Variants in RUNX1T1 observed in about 807,000 individuals in gnomAD.
The protein encoded by RUNX1T1 is protein CBFA2T1.
In RUNX1T1, 4 loss-of-function variants were observed where a neutral mutation model predicts 62.8. That is an observed-to-expected ratio of 0.06 (90% CI 0.03 to 0.15). The LOEUF is 0.15. Ranked by LOEUF, RUNX1T1 falls within the 10% of genes least tolerant of loss-of-function variation. RUNX1T1 has a pLI of 1.00. For synonymous variants in RUNX1T1, 291 were observed against 286.0 expected (o/e 1.02, Z -0.18); for missense variants, 508 against 754.3 (o/e 0.67, Z 3.82).
Position 91,997,887 on chromosome 8 carries a change from A to G in RUNX1T1, c.660-5998T>C, listed in dbSNP as rs1216753611. On this transcript the variant is annotated intron_variant, in intron 5 of 10. Coordinates refer to ENST00000396218, the Ensembl canonical transcript of RUNX1T1. ...AAAATTCTTTTAAGACCAGGCATTG[A>G]AGACTTACTTTATTTTATTCTTATA... Among the ~76,000 whole-genome samples, 3 of 152,312 alleles carry G rather than the reference A, an allele frequency of 2.0e-5. No homozygotes were observed. The East Asian group carries it at 5.8e-4, about 29-fold the overall frequency.
chr8:91,964,077 G>A (rs1468441887), intron 10 of RUNX1T1, among the ~76,000 whole-genome samples: 1 of 152,140 alleles, frequency 6.6e-6, no homozygotes, highest in Non-Finnish European at 1.5e-5. Context: ...AAGAATTTGT[G>A]GCTGAACACG....
At chr8:91,988,901 TC>T (rs1474145788) in intron 6 of RUNX1T1, among the ~76,000 whole-genome samples, 1 of 152,162 alleles carries the variant, frequency 6.6e-6, no homozygotes, top group Non-Finnish European at 1.5e-5. Flanking sequence ...TATAATCAAA[TC>T]TTTAAAAATA....
rs1349579009 is a variant in RUNX1T1, at chr8:91,960,248, A to AG, written c.1727dup (p.Arg577SerfsTer37). On this transcript the variant is annotated frameshift_variant, in exon 11 of 11. Coordinates refer to ENST00000396218, the Ensembl canonical transcript of RUNX1T1. LOFTEE classifies it high-confidence loss of function. ...GACAGTTCTGAGTTCACGTCTAGCGAGGGGTTGTCTCTATGGTGGAAGGGG... is the reference window on the plus strand; with the variant it reads ...GACAGTTCTGAGTTCACGTCTAGCGAGGGGGTTGTCTCTATGGTGGAAGGGG... The AG allele has an allele frequency of 6.2e-7, 1 of 1,608,322 alleles. No homozygotes were observed. The highest frequency in any genetic ancestry group is 8.5e-7 in the Non-Finnish European group (1 of 1,177,512).
chr8:92,044,384 T>C (rs1306881434), intron 1 of RUNX1T1, among the ~76,000 whole-genome samples: 1 of 152,118 alleles, frequency 6.6e-6, no homozygotes. Flanking sequence ...CACAGAAAGG[T>C]AGGTGTGAAA....
At chr8:91,992,345 T>C (rs1383705157) in intron 5 of RUNX1T1, among the ~76,000 whole-genome samples, 1 of 152,182 alleles carries the variant, frequency 6.6e-6, no homozygotes, top group Non-Finnish European at 1.5e-5. Flanking sequence ...TGTCAGAGAA[T>C]ATCTAAGAAC....
In RUNX1T1 at chr8:91,959,446, G is replaced by GTATATA. The variant is rs1305274712; in HGVS notation, c.*795_*796insTATATA. The GTATATA allele has an allele frequency of 6.8e-4, 93 of 137,264 alleles. 1 individual carries two copies. The highest frequency in any genetic ancestry group is 2.4e-3 in the Middle Eastern group (1 of 410). 8.5% of individuals were successfully genotyped at this position (137,264 alleles called of 1,614,324 possible). On this transcript the variant is annotated 3_prime_UTR_variant, in exon 11 of 11. Transcript: ENST00000396218. ...TGTGTGTGTGTGTGTGTGTGTGTGT[G>GTATATA]TGTGTGTGTGTGTGTGTGTGTATAT...
At chr8:91,958,647 A>G (rs535675273), downstream of RUNX1T1, 21 of 179,100 alleles carry the variant, frequency 1.2e-4, no homozygotes, top group African/African-American at 3.5e-4. Context: ...TTAAAAAAAA[A>G]AAAAAGAAAA....
At chr8:92,028,094 G>A (rs1587123688) in intron 1 of RUNX1T1, among the ~76,000 whole-genome samples, 1 of 81,916 alleles carries the variant, frequency 1.2e-5, no homozygotes, top group African/African-American at 5.0e-5. Context: ...GGGGTGGGAA[G>A]GAAGGAGGGA....
At chr8:92,099,463 A>G (rs1837940673) in intron 1 of RUNX1T1, 2 of 182,442 alleles carry the variant, frequency 1.1e-5, no homozygotes, top group Admixed American at 6.5e-5. Flanking sequence ...TGCTTCTGCT[A>G]TCAATAAAGT....
At chr8:92,004,446 T>C (rs1319558147) in intron 5 of RUNX1T1, 1 of 152,232 alleles carries the variant, frequency 6.6e-6, no homozygotes, top group Non-Finnish European at 1.5e-5. Flanking sequence ...GTATGCTTTA[T>C]TCAACAATTA....
intron 10 of RUNX1T1, among the ~76,000 whole-genome samples, chr8:91,969,904 T>C (rs1371478610): frequency 2.0e-5 from 3 of 152,154 alleles, no homozygotes; most frequent in Non-Finnish European, 4.4e-5. Context: ...TGATGCTATA[T>C]TAATTAACGT....
At chr8:91,955,682 C>A (rs10098853), downstream of RUNX1T1, 40,267 of 225,086 alleles carry the variant, frequency 0.18, 3,910 homozygotes, top group Admixed American at 0.27. Context: ...GGCTCATGCA[C>A]CTGCTGTGCC....
intron 5 of RUNX1T1, among the ~76,000 whole-genome samples, chr8:91,999,208 T>G (rs555303054): frequency 6.6e-6 from 1 of 152,296 alleles, no homozygotes; most frequent in African/African-American, 2.4e-5. Flanking sequence ...ATACAGAAGG[T>G]ACCATTAAAA....
chr8:92,093,011 C>T (rs940235143), intron 1 of RUNX1T1, among the ~76,000 whole-genome samples: 14 of 152,178 alleles, frequency 9.2e-5, no homozygotes, highest in South Asian at 8.3e-4. Context: ...CTTCAAATCC[C>T]GCACAAATTG....
At chr8:92,038,005 C>G (rs1827733099) in intron 1 of RUNX1T1, among the ~76,000 whole-genome samples, 1 of 152,016 alleles carries the variant, frequency 6.6e-6, no homozygotes, top group South Asian at 2.1e-4. Context: ...AATTTTCACC[C>G]CTTTGTTTCC....
intron 8 of RUNX1T1, among the ~76,000 whole-genome samples, chr8:91,976,725 G>A (rs1814032438): frequency 6.6e-6 from 1 of 152,130 alleles, no homozygotes; most frequent in Admixed American, 6.5e-5. Context: ...TATGTTCATG[G>A]AATTAACACA....
chr8:92,051,606 T>A (rs1412106392), intron 1 of RUNX1T1, among the ~76,000 whole-genome samples: 3 of 148,668 alleles, frequency 2.0e-5, no homozygotes, highest in Admixed American at 6.6e-5. Flanking sequence ...ACACACACTC[T>A]CTCTCTCTCT....
intron 8 of RUNX1T1, among the ~76,000 whole-genome samples, chr8:91,984,234 T>C (rs953078831): frequency 6.6e-6 from 1 of 152,162 alleles, no homozygotes; most frequent in African/African-American, 2.4e-5. Context: ...ACAATGAACC[T>C]CTCTTCCTGG....
chr8:92,015,678 TATC>T (rs1413808947), intron 2 of RUNX1T1, among the ~76,000 whole-genome samples: 1 of 152,242 alleles, frequency 6.6e-6, no homozygotes, highest in Non-Finnish European at 1.5e-5. Context: ...ATGTTGATTT[TATC>T]ATGTTAAGTC....
Sources: gnomAD v4.1 joint callset for allele counts (sites outside exome capture counted in the v4.1 genomes callset) on GRCh38, gnomAD v4.1.1 for gene constraint, MANE v1.5 for transcripts, NCBI Gene and HGNC (gene_info 2026-07-23, HGNC 2026-07-21) for gene names.